Variants in GRM8 observed in about 807,000 individuals in gnomAD.
The protein encoded by GRM8 is glutamate metabotropic receptor 8.
Under a neutral mutation model 87.2 loss-of-function variants are expected in GRM8, and 47 were observed. The observed-to-expected ratio is 0.54, with a 90% CI of 0.43 to 0.69. The LOEUF (loss-of-function observed/expected upper bound fraction) is 0.69. GRM8 is among the 30% of genes least tolerant of loss of function. The pLI is 0.00. For missense variants in GRM8, 1,019 were observed against 1,139.2 expected (o/e 0.89, Z 1.52); for synonymous variants, 396 against 404.5 (o/e 0.98, Z 0.25).
rs556751070 is a variant in GRM8 at position 126,845,437 on chromosome 7, CT to C, written c.1156+57104del. ...CAACCTAGGCCAACTTAGTCTTATCCTTTTTTTTATCCCAAAGGAGTAAAAA... is the reference window on the plus strand; with the variant it reads ...CAACCTAGGCCAACTTAGTCTTATCCTTTTTTTATCCCAAAGGAGTAAAAA... On this transcript the variant is annotated intron_variant, in intron 6 of 10. Coordinates refer to ENST00000339582, the MANE Select transcript of GRM8 (RefSeq NM_000845.3). Among the ~76,000 whole-genome samples, 86 of 152,030 alleles carry C rather than the reference CT, an allele frequency of 5.7e-4. 1 individual carries two copies. The East Asian group carries it at 0.015, about 27-fold the overall frequency.
At chr7:126,694,500 T>G (rs1809167368) in intron 7 of GRM8, among the ~76,000 whole-genome samples, 1 of 152,222 alleles carries the variant, frequency 6.6e-6, no homozygotes. Context: ...TCTATATTTA[T>G]AGCAGTTTCA....
intron 3 of GRM8, among the ~76,000 whole-genome samples, chr7:126,985,020 A>G (rs544315098): frequency 6.6e-6 from 1 of 151,724 alleles, no homozygotes; most frequent in Non-Finnish European, 1.5e-5. Context: ...TTCTTCCACC[A>G]CACACACACA....
At chr7:127,222,452 T>C (rs1403780946) in intron 2 of GRM8, among the ~76,000 whole-genome samples, 4 of 152,148 alleles carry the variant, frequency 2.6e-5, no homozygotes, top group East Asian at 3.9e-4. Context: ...TTGAAGATAC[T>C]CTACCCTACT....
At chr7:126,459,009 GAAAAAAAAAAAGTAAACTCAACAGAGA>G in intron 9 of GRM8, among the ~76,000 whole-genome samples, 1 of 133,420 alleles carries the variant, frequency 7.5e-6, no homozygotes, top group Middle Eastern at 4.0e-3. Flanking sequence ...AACTTTAATA[GAAAAAAAAAAAGTAAACTCAACAGAGA>G]AAGAAGAAAG....
chr7:126,853,954 T>C (rs886776909), intron 6 of GRM8, among the ~76,000 whole-genome samples: 6 of 152,116 alleles, frequency 3.9e-5, no homozygotes, highest in African/African-American at 1.4e-4. Context: ...TCAGTGGAAG[T>C]TGTGGTCAAC....
chr7:127,006,399 C>T (rs920620322), intron 3 of GRM8, among the ~76,000 whole-genome samples: 1 of 151,922 alleles, frequency 6.6e-6, no homozygotes, highest in African/African-American at 2.4e-5. Flanking sequence ...AACAAACTTC[C>T]TTAATTCTAT....
At chr7:126,503,799 T>C (rs1375877988) in intron 9 of GRM8, among the ~76,000 whole-genome samples, 1 of 151,870 alleles carries the variant, frequency 6.6e-6, no homozygotes, top group Non-Finnish European at 1.5e-5. Context: ...GTCACACCAG[T>C]GACATCTGAG....
chr7:126,689,986 C>T (rs966398455), intron 7 of GRM8, among the ~76,000 whole-genome samples: 2 of 151,998 alleles, frequency 1.3e-5, no homozygotes, highest in Non-Finnish European at 1.5e-5. Flanking sequence ...GAAGTTGGCC[C>T]GAGGATGACA....
At chr7:126,578,537 T>C (rs1183161485) in intron 8 of GRM8, among the ~76,000 whole-genome samples, 7 of 152,148 alleles carry the variant, frequency 4.6e-5, no homozygotes, top group Non-Finnish European at 7.3e-5. Flanking sequence ...CCCGAACAGC[T>C]GTTCCTTTCT....
chr7:126,803,195 A>T (rs574509262), intron 6 of GRM8, among the ~76,000 whole-genome samples: 1 of 152,292 alleles, frequency 6.6e-6, no homozygotes, highest in South Asian at 2.1e-4. Context: ...TTTCCCTTTA[A>T]AACACATCCT....
chr7:126,492,419 C>T (rs953682736), intron 9 of GRM8, among the ~76,000 whole-genome samples: 3 of 152,090 alleles, frequency 2.0e-5, no homozygotes, highest in East Asian at 3.9e-4. Flanking sequence ...AATCCCAACA[C>T]AATCAATGAG....
chr7:126,505,869 C>A (rs1016325131), intron 9 of GRM8, among the ~76,000 whole-genome samples: 4 of 151,922 alleles, frequency 2.6e-5, no homozygotes, highest in African/African-American at 9.7e-5. Context: ...TTAAGATCTA[C>A]GCTCTTAGAA....
At chr7:127,154,048 C>T (rs573847637) in intron 2 of GRM8, among the ~76,000 whole-genome samples, 18 of 152,134 alleles carry the variant, frequency 1.2e-4, no homozygotes, top group African/African-American at 4.3e-4. Context: ...TTGAGAGTAG[C>T]AGGATTCTAG....
chr7:126,745,943 G>C (rs1300299052), intron 7 of GRM8, among the ~76,000 whole-genome samples: 2 of 151,672 alleles, frequency 1.3e-5, no homozygotes, highest in South Asian at 2.1e-4. Context: ...ATGTACAATA[G>C]ATATATAACA....
At chr7:126,566,728 C>A (rs1288949994) in intron 8 of GRM8, among the ~76,000 whole-genome samples, 2 of 152,106 alleles carry the variant, frequency 1.3e-5, no homozygotes, top group African/African-American at 4.8e-5. Context: ...TATTAGTATT[C>A]CTATCTTCAC....
intron 7 of GRM8, among the ~76,000 whole-genome samples, chr7:126,729,185 T>A (rs1813332014): frequency 6.6e-6 from 1 of 152,172 alleles, no homozygotes; most frequent in African/African-American, 2.4e-5. Context: ...TGGCACCAAT[T>A]GTAGCCCACA....
chr7:126,768,938 A>T lies in GRM8; in HGVS notation c.1357+927T>A, dbSNP rs67945854. Among the ~76,000 whole-genome samples the T allele has an allele frequency of 6.6e-4, 97 of 147,960 alleles. 1 individual carries two copies. The highest frequency in any genetic ancestry group is 8.2e-4 in the Non-Finnish European group (55 of 66,754). ...TTAAAGGAAAAATGCAAAAAAAAAA[A>T]AAATAAAGAAGAAGTTTCCACTTGA... On this transcript the variant is annotated intron_variant, in intron 7 of 10. Coordinates refer to ENST00000339582, the MANE Select transcript of GRM8 (RefSeq NM_000845.3).
rs781582949 is a variant in GRM8, at chr7:126,609,513, A to G, written c.1358-15T>C. On this transcript the variant is annotated splice_polypyrimidine_tract_variant and intron_variant, in intron 7 of 10. Coordinates refer to ENST00000339582, the MANE Select transcript of GRM8 (RefSeq NM_000845.3). ...GCCAGCACTGCCTATAAAGATTTAG[A>G]AAACAATGTTAATAAAGTTTTAGTA... 1 of 1,600,806 alleles carries G rather than the reference A, an allele frequency of 6.2e-7. No homozygotes were observed. The highest frequency in any genetic ancestry group is 1.3e-5 in the African/African-American group (1 of 74,432).
intron 3 of GRM8, among the ~76,000 whole-genome samples, chr7:127,086,768 A>T (rs1365270149): frequency 6.6e-6 from 1 of 152,200 alleles, no homozygotes; most frequent in East Asian, 1.9e-4. Context: ...AGTGCATCTT[A>T]TGGAATGTGA....
Sources: gnomAD v4.1 joint callset for allele counts (sites outside exome capture counted in the v4.1 genomes callset) on GRCh38, gnomAD v4.1.1 for gene constraint, MANE v1.5 for transcripts, NCBI Gene and HGNC (gene_info 2026-07-23, HGNC 2026-07-21) for gene names.